Variants in CFAP95 observed in about 807,000 individuals in gnomAD.
The protein encoded by CFAP95 is cilia- and flagella-associated protein 95.
chr9:69,836,213 G>A, the CFAP95 span, among the ~76,000 whole-genome samples: 544 of 152,140 alleles, frequency 3.6e-3, 2 homozygotes, highest in Non-Finnish European at 5.5e-3. Context: ...ATCCTTTTTG[G>A]GGGAAAGTTT....
the CFAP95 span, among the ~76,000 whole-genome samples, chr9:69,830,883 C>G: frequency 6.6e-6 from 1 of 152,108 alleles, no homozygotes; most frequent in East Asian, 1.9e-4. Flanking sequence ...TGGTCTTGAA[C>G]TCCTGGTCTA....
chr9:69,884,097 G>T, the CFAP95 span, among the ~76,000 whole-genome samples: 1 of 151,860 alleles, frequency 6.6e-6, no homozygotes, highest in African/African-American at 2.4e-5. Context: ...TGTTTTCATT[G>T]TCATTTGTTT....
the CFAP95 span, chr9:69,902,341 CTA>C: frequency 2.2e-6 from 1 of 454,914 alleles, no homozygotes; most frequent in Non-Finnish European, 4.4e-6. Flanking sequence ...TTGGAGAACT[CTA>C]TAATCTCCCA....
At chr9:69,832,617 C>T in the CFAP95 span, among the ~76,000 whole-genome samples, 96 of 16,110 alleles carry the variant, frequency 6.0e-3, no homozygotes, top group African/African-American at 0.018. Flanking sequence ...ATAGTCTATT[C>T]GGATTTTTTT....
the CFAP95 span, among the ~76,000 whole-genome samples, chr9:69,846,974 G>A: frequency 6.6e-6 from 1 of 152,182 alleles, no homozygotes; most frequent in African/African-American, 2.4e-5. Flanking sequence ...AGTTGAGAGA[G>A]GTTTCAAGGG....
At chr9:69,855,339 A>C in the CFAP95 span, among the ~76,000 whole-genome samples, 1 of 152,232 alleles carries the variant, frequency 6.6e-6, no homozygotes, top group East Asian at 1.9e-4. Context: ...TCTAAGCTTA[A>C]TTTTTACACT....
chr9:69,875,543 G>C, the CFAP95 span, among the ~76,000 whole-genome samples: 24 of 152,226 alleles, frequency 1.6e-4, no homozygotes, highest in African/African-American at 5.5e-4. Context: ...GTTTCTATCT[G>C]CTTTACACGA....
the CFAP95 span, among the ~76,000 whole-genome samples, chr9:69,901,551 G>A: frequency 1.3e-5 from 2 of 150,526 alleles, no homozygotes; most frequent in Admixed American, 6.6e-5. Flanking sequence ...AGTGTTCCAC[G>A]GTGTATATGC....
chr9:69,841,658 G>C, the CFAP95 span, among the ~76,000 whole-genome samples: 2 of 152,168 alleles, frequency 1.3e-5, no homozygotes, highest in Admixed American at 1.3e-4. Context: ...ACACAAGACT[G>C]GGTAATTTAT....
At chr9:69,865,184 G>T in the CFAP95 span, among the ~76,000 whole-genome samples, 10 of 152,244 alleles carry the variant, frequency 6.6e-5, no homozygotes, top group Middle Eastern at 3.4e-3. Flanking sequence ...GCCCTCTAAA[G>T]AGGTGCCTTC....
chr9:69,832,061 T>C, the CFAP95 span, among the ~76,000 whole-genome samples: 1 of 152,098 alleles, frequency 6.6e-6, no homozygotes, highest in African/African-American at 2.4e-5. Context: ...ATAACAAGGG[T>C]GTGAACAGCA....
chr9:69,898,708 G>A, the CFAP95 span, among the ~76,000 whole-genome samples: 1,563 of 152,230 alleles, frequency 0.01, 23 homozygotes, highest in African/African-American at 0.034. Context: ...TCCCAATAAT[G>A]TTCTTTATAG....
At chr9:69,821,962 A>G in the CFAP95 span, among the ~76,000 whole-genome samples, 4 of 152,152 alleles carry the variant, frequency 2.6e-5, no homozygotes, top group Admixed American at 1.3e-4. Flanking sequence ...CTTGGCCCCA[A>G]GAAGCATTTG....
chr9:69,891,970 T>C, the CFAP95 span, among the ~76,000 whole-genome samples: 2 of 152,208 alleles, frequency 1.3e-5, no homozygotes, highest in African/African-American at 2.4e-5. Flanking sequence ...ATCAGTTTCT[T>C]TGCTCTGAGG....
chr9:69,854,338 C>T, the CFAP95 span, among the ~76,000 whole-genome samples: 1 of 152,190 alleles, frequency 6.6e-6, no homozygotes, highest in Non-Finnish European at 1.5e-5. Flanking sequence ...TTACCATTAT[C>T]CCCATGATTT....
chr9:69,823,932 T>G, the CFAP95 span, among the ~76,000 whole-genome samples: 2 of 152,040 alleles, frequency 1.3e-5, no homozygotes, highest in African/African-American at 4.8e-5. Context: ...TCACTTCTTT[T>G]GTGGTGGAAT....
At chr9:69,856,058 G>A in the CFAP95 span, among the ~76,000 whole-genome samples, 2 of 152,052 alleles carry the variant, frequency 1.3e-5, no homozygotes, top group South Asian at 2.1e-4. Flanking sequence ...TACCCTTGAT[G>A]TTTCTGCAAT....
the CFAP95 span, among the ~76,000 whole-genome samples, chr9:69,824,651 C>G: frequency 6.6e-6 from 1 of 151,850 alleles, no homozygotes; most frequent in Non-Finnish European, 1.5e-5. Context: ...TGTGACACAC[C>G]TTACAGAGGA....
At chr9:69,885,026 A>C in the CFAP95 span, 131,244 of 152,172 alleles carry the variant, frequency 0.86, 56,749 homozygotes, top group Middle Eastern at 0.93. Context: ...TGTGGTGGGA[A>C]CCAAGTATTC....
Sources: allele counts gnomAD v4.1 joint callset (sites outside exome capture counted in the v4.1 genomes callset), GRCh38; gene constraint gnomAD v4.1.1; transcripts MANE v1.5; gene names NCBI Gene and HGNC (gene_info 2026-07-23, HGNC 2026-07-21).